The following MIER2 variants were observed in gnomAD, a reference collection of about 807,000 sequenced individuals.
The protein encoded by MIER2 is MIER family member 2.
In MIER2, 30 loss-of-function variants were observed where a neutral mutation model predicts 67.6. That is an observed-to-expected ratio of 0.44 (90% confidence interval 0.33 to 0.60). The LOEUF is 0.60. Ranked by LOEUF, MIER2 falls within the 20% of genes least tolerant of loss-of-function variation. The probability of loss-of-function intolerance (pLI) is 0.02; values close to 1 mark genes in which losing one functional copy is unlikely to be tolerated. For synonymous variants in MIER2, 372 were observed against 312.6 expected (o/e 1.19, Z -2.00); for missense variants, 702 against 745.1 (o/e 0.94, Z 0.67).
Position 311,954 on chromosome 19 carries a change from G to A in MIER2, c.890-15C>T, listed in dbSNP as rs368333916. On this transcript the variant is annotated splice_polypyrimidine_tract_variant and intron_variant, in intron 9 of 13. Coordinates refer to ENST00000264819, the MANE Select transcript of MIER2 (RefSeq NM_017550.3). ...ACAGAGCCCATCTGCAAACACGGCC[G>A]GGGAGAACGGTCAGTGGTGCCCAGG... 76 of 1,611,992 alleles carry A rather than the reference G, an allele frequency of 4.7e-5. No homozygotes were observed. In the Middle Eastern group the frequency reaches 4.9e-4, roughly 10 times the overall value.
chr19:315,854 G>A (rs538877121), intron 7 of MIER2, among the ~76,000 whole-genome samples: 8 of 152,308 alleles, frequency 5.3e-5, no homozygotes, highest in East Asian at 1.9e-4. Flanking sequence ...AACTCAGGAC[G>A]AATACAAGGA....
intron 3 of MIER2, among the ~76,000 whole-genome samples, chr19:332,331 C>G (rs1972065190): frequency 6.6e-6 from 1 of 152,084 alleles, no homozygotes; most frequent in African/African-American, 2.4e-5. Context: ...GAGACACAGT[C>G]TTGCTCTGTC....
At chr19:327,488 C>T (rs558800777) in intron 4 of MIER2, among the ~76,000 whole-genome samples, 25 of 152,350 alleles carry the variant, frequency 1.6e-4, no homozygotes, top group Non-Finnish European at 2.1e-4. Context: ...ACTGGGCACA[C>T]GCCCGGAGTG....
rs34351754 is a variant in MIER2 at position 338,170 on chromosome 19, CAAAAAAAAAAAAAAAAA to C, written c.10-2014_10-1998del. On this transcript the variant is annotated intron_variant, in intron 1 of 13. Coordinates refer to ENST00000264819, the MANE Select transcript of MIER2 (RefSeq NM_017550.3). ...CTGGCAATACAGCAAGACTCCATCT[CAAAAAAAAAAAAAAAAA>C]AAAAAAAAAAAGATTGGTAAGGAAG... Among the ~76,000 whole-genome samples the C allele has an allele frequency of 1.4e-4, 11 of 76,902 alleles. No individual in the cohort carries two copies. The East Asian group carries it at 6.6e-3, about 46-fold the overall frequency. The allele number at this position is 76,902 out of a possible 152,430, so 50.5% of individuals were successfully genotyped here.
intron 9 of MIER2, 112 bp downstream of exon 9, chr19:312,079 T>G: frequency 1.5e-6 from 2 of 1,330,906 alleles, no homozygotes; most frequent in Non-Finnish European, 1.0e-6. Flanking sequence ...GGGAGAACGG[T>G]CAGCGGCGCC....
At chr19:336,650 G>A in intron 1 of MIER2, among the ~76,000 whole-genome samples, 1 of 152,170 alleles carries the variant, frequency 6.6e-6, no homozygotes, top group Non-Finnish European at 1.5e-5. Context: ...CTGCTAACGG[G>A]GACAGGGCTT....
intron 7 of MIER2, among the ~76,000 whole-genome samples, chr19:314,519 G>A (rs1011740806): frequency 1.3e-5 from 2 of 152,140 alleles, no homozygotes; most frequent in African/African-American, 2.4e-5. Context: ...TGTGAAAAAC[G>A]CACTGGGGAA....
At chr19:322,579 G>A (rs764908259) in intron 7 of MIER2, among the ~76,000 whole-genome samples, 5 of 151,998 alleles carry the variant, frequency 3.3e-5, no homozygotes, top group East Asian at 1.9e-4. Flanking sequence ...GTACACCTGC[G>A]AAAGGTGCTC....
intron 1 of MIER2, among the ~76,000 whole-genome samples, chr19:342,566 T>C (rs1397423714): frequency 1.3e-5 from 2 of 150,122 alleles, no homozygotes; most frequent in Admixed American, 6.7e-5. Flanking sequence ...GGGTTTTAGG[T>C]AGGAGCAAAA....
intron 4 of MIER2, 94 bp from the exon 5 acceptor site, chr19:327,350 C>T: frequency 4.2e-6 from 6 of 1,434,480 alleles, no homozygotes; most frequent in Non-Finnish European, 5.6e-6. Context: ...CTGGGAGTGC[C>T]CTGAGGCTCA....
At chr19:341,028 G>A (rs533910701) in intron 1 of MIER2, among the ~76,000 whole-genome samples, 37 of 152,196 alleles carry the variant, frequency 2.4e-4, no homozygotes, top group Non-Finnish European at 4.3e-4. Flanking sequence ...CCAGGACACA[G>A]CAGGTGGCCA....
chr19:330,023 T>G (rs1048343280), intron 3 of MIER2, among the ~76,000 whole-genome samples: 14 of 152,098 alleles, frequency 9.2e-5, no homozygotes, highest in African/African-American at 3.4e-4. Flanking sequence ...AGGAACCACA[T>G]GCATGGAACG....
chr19:334,602 C>A, intron 2 of MIER2, 60 bp from the exon 3 acceptor site: 8 of 1,580,864 alleles, frequency 5.1e-6, no homozygotes, highest in Non-Finnish European at 6.9e-6. Context: ...ACCATCCTGC[C>A]GAGACTACTG....
intron 1 of MIER2, 90 bp downstream of exon 1, chr19:344,684 C>T: frequency 1.1e-6 from 1 of 884,024 alleles, no homozygotes; most frequent in Non-Finnish European, 1.4e-6. Context: ...GGCTCTCCGT[C>T]CCTGGGGCCC....
At chr19:341,451 G>A (rs111614682) in intron 1 of MIER2, among the ~76,000 whole-genome samples, 9 of 152,260 alleles carry the variant, frequency 5.9e-5, no homozygotes, top group Non-Finnish European at 1.0e-4. Flanking sequence ...GGCTGGGAAC[G>A]GCAGAAAGGG....
intron 3 of MIER2, among the ~76,000 whole-genome samples, chr19:332,594 G>A (rs1166948266): frequency 1.4e-5 from 2 of 138,970 alleles, no homozygotes; most frequent in Admixed American, 7.4e-5. Context: ...GAGCCACCGC[G>A]CCCAACAATT....
In MIER2 at chr19:330,785, C is replaced by T. The variant is rs1273802955; in HGVS notation, c.244-2796G>A. 3.9e-5 allele frequency among the ~76,000 whole-genome samples: 6 copies of T among 152,042 alleles called. No homozygotes were observed. The South Asian group carries it at 8.3e-4, about 21-fold the overall frequency. ...TCCACCATGTGAGGACACAGCAAGC[C>T]AAGAAGAGAGCCGGCACCAGAACCC... On this transcript the variant is annotated intron_variant, in intron 3 of 13. Transcript: ENST00000264819.
chr19:322,578 C>T (rs977934720), intron 7 of MIER2, among the ~76,000 whole-genome samples: 11 of 152,058 alleles, frequency 7.2e-5, no homozygotes, highest in African/African-American at 1.4e-4. Context: ...AGTACACCTG[C>T]GAAAGGTGCT....
Position 310,617 on chromosome 19 carries a change from CACA to C in MIER2, c.984+1225_984+1227del, listed in dbSNP as rs1568216615. Among the ~76,000 whole-genome samples the C allele has an allele frequency of 6.1e-4, 90 of 146,988 alleles. 1 individual carries two copies. The highest frequency in any genetic ancestry group is 9.8e-4 in the Non-Finnish European group (66 of 67,222). On this transcript the variant is annotated intron_variant, in intron 10 of 13. Transcript: ENST00000264819. ...GAAACACAGCCGGGAGCTATAGAAA[CACA>C]GCCCGGAGCTATAGAAACAGCCCAG...
Sources: gnomAD v4.1 joint callset for allele counts (sites outside exome capture counted in the v4.1 genomes callset) on GRCh38, gnomAD v4.1.1 for gene constraint, MANE v1.5 for transcripts, NCBI Gene and HGNC (gene_info 2026-07-23, HGNC 2026-07-21) for gene names.